KDM2A: variants seen among roughly 807,000 people sequenced by gnomAD.
KDM2A encodes lysine demethylase 2A.
Under a neutral mutation model 137.3 loss-of-function variants are expected in KDM2A, and 3 were observed. That is an observed-to-expected ratio of 0.02 (90% CI 0.01 to 0.06). The LOEUF is 0.06. Among genes scored for constraint, KDM2A ranks in the 10% least tolerant of loss-of-function variants. The probability of loss-of-function intolerance (pLI) is 1.00; values close to 1 mark genes in which losing one functional copy is unlikely to be tolerated. For synonymous variants in KDM2A, 512 were observed against 541.5 expected (o/e 0.95, Z 0.76); for missense variants, 738 against 1,510.6 (o/e 0.49, Z 8.48).
At position 67,121,325 on chromosome 11, in the gene KDM2A, C is replaced by G. The variant is rs151044827; in HGVS notation, c.9C>G (p.Pro3=). The change falls in exon 2 of 21, where the codon CCC becomes CCG. Residue 3 remains proline, a synonymous_variant. Transcript: ENST00000529006. ME[P]EEERIRYSQR... ...CAACAGAAGAGTGAGAGATGGAACCCGAAGAAGAAAGGATTCGTTACAGCC... is the reference window on the plus strand; with the variant it reads ...CAACAGAAGAGTGAGAGATGGAACCGGAAGAAGAAAGGATTCGTTACAGCC... 6.2e-7 allele frequency: 1 copy of G among 1,613,708 alleles called. No homozygotes were observed. The highest frequency in any genetic ancestry group is 1.1e-5 in the South Asian group (1 of 91,068).
chr11:67,212,201 A>G (rs889051311), intron 6 of KDM2A, among the ~76,000 whole-genome samples: 3 of 152,194 alleles, frequency 2.0e-5, no homozygotes, highest in Admixed American at 1.3e-4. Context: ...TTTAGAAACT[A>G]TAGGAGAATT....
At chr11:67,163,129 C>G (rs1215904245) in intron 2 of KDM2A, among the ~76,000 whole-genome samples, 2 of 152,158 alleles carry the variant, frequency 1.3e-5, no homozygotes, top group East Asian at 3.8e-4. Flanking sequence ...CAGAATTTTG[C>G]TCTTGCATAA....
At chr11:67,136,289 G>A (rs141693021) in intron 2 of KDM2A, among the ~76,000 whole-genome samples, 2 of 152,300 alleles carry the variant, frequency 1.3e-5, no homozygotes, top group African/African-American at 4.8e-5. Flanking sequence ...AGATTATCCA[G>A]TTAAGGGACA....
chr11:67,249,465 G>A (rs566396523), intron 16 of KDM2A, among the ~76,000 whole-genome samples: 1 of 152,338 alleles, frequency 6.6e-6, no homozygotes, highest in African/African-American at 2.4e-5. Context: ...GGTTCCTAGT[G>A]GAACATGTTT....
At chr11:67,199,528 GGA>G in intron 5 of KDM2A, among the ~76,000 whole-genome samples, 1 of 152,298 alleles carries the variant, frequency 6.6e-6, no homozygotes, top group East Asian at 1.9e-4. Flanking sequence ...TGAGTGGTTT[GGA>G]TAGAAAATCA....
intron 2 of KDM2A, among the ~76,000 whole-genome samples, chr11:67,137,328 G>A (rs1565373017): frequency 6.6e-6 from 1 of 152,200 alleles, no homozygotes; most frequent in Non-Finnish European, 1.5e-5. Context: ...AATGTCAGTG[G>A]TTGCAATGTA....
intron 2 of KDM2A, among the ~76,000 whole-genome samples, chr11:67,128,534 C>G (rs1288709406): frequency 6.6e-6 from 1 of 152,022 alleles, no homozygotes; most frequent in Non-Finnish European, 1.5e-5. Context: ...GTTGCGGCCT[C>G]CCTCCTAATA....
At chr11:67,233,617 A>C (rs1412842120) in intron 12 of KDM2A, among the ~76,000 whole-genome samples, 1 of 121,276 alleles carries the variant, frequency 8.2e-6, no homozygotes, top group Non-Finnish European at 1.7e-5. Flanking sequence ...GCGCCATTGC[A>C]CTCCAGCCTG....
chr11:67,201,677 A>C (rs576876808), intron 5 of KDM2A, among the ~76,000 whole-genome samples: 1 of 147,808 alleles, frequency 6.8e-6, no homozygotes, highest in Non-Finnish European at 1.5e-5. Context: ...CTGAAGCAGG[A>C]GAATCACTTG....
At chr11:67,203,769 T>G (rs1352471611) in intron 5 of KDM2A, among the ~76,000 whole-genome samples, 1 of 151,114 alleles carries the variant, frequency 6.6e-6, no homozygotes, top group Non-Finnish European at 1.5e-5. Flanking sequence ...GAAAAAAGAA[T>G]AAAATGCTTT....
At chr11:67,123,681 G>GTTT (rs371113782) in intron 2 of KDM2A, among the ~76,000 whole-genome samples, 1 of 143,100 alleles carries the variant, frequency 7.0e-6, no homozygotes. Context: ...ACTTTTAACT[G>GTTT]TTTTTTTTTT....
At chr11:67,153,874 CTTTT>C (rs926088136) in intron 2 of KDM2A, among the ~76,000 whole-genome samples, 2 of 151,706 alleles carry the variant, frequency 1.3e-5, no homozygotes, top group Non-Finnish European at 2.9e-5. Context: ...TGATAATCCC[CTTTT>C]TTTATTTTTA....
At chr11:67,159,416 C>G (rs906245475) in intron 2 of KDM2A, among the ~76,000 whole-genome samples, 13 of 152,164 alleles carry the variant, frequency 8.5e-5, no homozygotes, top group Non-Finnish European at 7.3e-5. Flanking sequence ...TTTTCCTAAG[C>G]TACATTATTT....
intron 2 of KDM2A, among the ~76,000 whole-genome samples, chr11:67,149,539 G>T (rs969798281): frequency 1.3e-5 from 2 of 151,840 alleles, no homozygotes; most frequent in Non-Finnish European, 2.9e-5. Context: ...AGGCTAAAGA[G>T]CCCCTTAGCC....
At chr11:67,182,308 C>T (rs1467204175) in intron 5 of KDM2A, among the ~76,000 whole-genome samples, 1 of 152,102 alleles carries the variant, frequency 6.6e-6, no homozygotes, top group Non-Finnish European at 1.5e-5. Context: ...AGACTTGAAA[C>T]TTTATAGGCT....
At position 67,239,980 on chromosome 11, in the gene KDM2A, AGCAGAACGGCTGGGCCCTCTGCCTGGCTC is replaced by A. The variant is rs1480516089; in HGVS notation, c.1480-3026_1480-2998del. On this transcript the variant is annotated intron_variant, in intron 12 of 20. Coordinates refer to ENST00000529006, the MANE Select transcript of KDM2A (RefSeq NM_012308.3). ...TGAACACACCCCCTCCCGGCTCTGC[AGCAGAACGGCTGGGCCCTCTGCCTGGCTC>A]GCTCACTCTCGCTCGGCTCCCCCTC... The A allele has an allele frequency of 2.6e-6, 3 of 1,138,200 alleles. No homozygotes were observed. In the African/African-American group the frequency reaches 4.8e-5, roughly 18 times the overall value. 70.5% of individuals were successfully genotyped at this position (1,138,200 alleles called of 1,614,324 possible).
Position 67,245,933 on chromosome 11 carries a change from A to G in KDM2A, c.1834-52A>G, listed in dbSNP as rs1859190792. On this transcript the variant is annotated intron_variant, in intron 14 of 20. Coordinates refer to ENST00000529006, the MANE Select transcript of KDM2A (RefSeq NM_012308.3). The surrounding 1 kb of genome is among the most constrained non-coding windows in gnomAD (Gnocchi z 4.1). ...CATCTTCAGTTTAAGGGAAACTGAAATGATAAAGATCTGAGTCAGTTCTCT... is the reference window on the plus strand; with the variant it reads ...CATCTTCAGTTTAAGGGAAACTGAAGTGATAAAGATCTGAGTCAGTTCTCT... 1 of 1,601,548 alleles carries G rather than the reference A, an allele frequency of 6.2e-7. No homozygotes were observed. Among genetic ancestry groups the G allele is most frequent in the South Asian group, 1.1e-5 (1 of 90,114 alleles).
intron 5 of KDM2A, among the ~76,000 whole-genome samples, chr11:67,194,855 A>G (rs1009750271): frequency 6.6e-6 from 1 of 152,176 alleles, no homozygotes; most frequent in Non-Finnish European, 1.5e-5. Context: ...AAGATTCAAC[A>G]TTCATGAAGG....
intron 5 of KDM2A, among the ~76,000 whole-genome samples, chr11:67,201,010 G>C (rs968734823): frequency 6.6e-6 from 1 of 151,864 alleles, no homozygotes; most frequent in Non-Finnish European, 1.5e-5. Context: ...GGCTAACACG[G>C]TGAAACCCAG....
Sources: gnomAD v4.1 joint callset for allele counts (sites outside exome capture counted in the v4.1 genomes callset) on GRCh38, gnomAD v4.1.1 for gene constraint, Gnocchi (gnomAD v3.1) non-coding constraint, MANE v1.5 for transcripts, NCBI Gene and HGNC (gene_info 2026-07-23, HGNC 2026-07-21) for gene names.